RBM45: variants seen among roughly 807,000 people sequenced by gnomAD.
The protein encoded by RBM45 is RNA-binding protein 45.
A neutral mutation model predicts 58.5 loss-of-function variants in RBM45; 39 were observed. The observed-to-expected ratio is 0.67, with a 90% CI of 0.52 to 0.87. RBM45 has a LOEUF of 0.87. RBM45 is among the 40% of genes least tolerant of loss of function. RBM45 has a pLI of 0.00. For missense variants in RBM45, 481 were observed against 581.6 expected (o/e 0.83, Z 1.78); for synonymous variants, 193 against 203.0 (o/e 0.95, Z 0.42).
At position 178,123,818 on chromosome 2, in the gene RBM45, T is replaced by C. The variant is rs1559080877; in HGVS notation, c.984-10T>C. ...TTAGTTTTCTGTAAATTATCAGTTA[T>C]TTTTTCCAGTCTCCTTAGAAAAATG... On this transcript the variant is annotated splice_polypyrimidine_tract_variant and intron_variant, in intron 6 of 9. Transcript: ENST00000286070. 1 of 1,612,692 alleles carries C rather than the reference T, an allele frequency of 6.2e-7. No homozygotes were observed. The highest frequency in any genetic ancestry group is 8.5e-7 in the Non-Finnish European group (1 of 1,179,314).
intron 4 of RBM45, chr2:178,120,857 T>C (rs1206648636): frequency 4.9e-6 from 1 of 205,526 alleles, no homozygotes; most frequent in Non-Finnish European, 9.6e-6. Context: ...AAATGGGTAA[T>C]GAAAGTAAGG....
chr2:178,112,865 G>C lies in RBM45; in HGVS notation c.300+19G>C. ...CATCAAGGTGCGGGTGCCCGGGTCGGGGTGCCCTCGGGGGAAGGAGTGGGC... is the reference window on the plus strand; with the variant it reads ...CATCAAGGTGCGGGTGCCCGGGTCGCGGTGCCCTCGGGGGAAGGAGTGGGC... On this transcript the variant is annotated intron_variant, in intron 1 of 9. Transcript: ENST00000286070. 2 of 1,596,400 alleles carry C rather than the reference G, an allele frequency of 1.3e-6. No homozygotes were observed. The highest frequency in any genetic ancestry group is 1.7e-6 in the Non-Finnish European group (2 of 1,166,802).
At chr2:178,138,089 T>G (rs2088059543) in exon 4 of RBM45, 1 of 152,178 alleles carries the variant, frequency 6.6e-6, no homozygotes, top group Non-Finnish European at 1.5e-5. Context: ...TAAAGAAAAT[T>G]GAATCCATGA....
At position 178,112,630 on chromosome 2, in the gene RBM45, C is replaced by G; in HGVS notation, c.84C>G (p.Ile28Met). 6.2e-7 allele frequency: 1 copy of G among 1,614,236 alleles called. No homozygotes were observed. ...TGGACGAACCGCCCAACAGCCGCAT[C>G]TTCCTTGTGATCAGCAAGTACACAC... is the stretch of plus-strand genomic sequence containing the variant. ...DSLDEPPNSR[I>M]FLVISKYTPE... The change falls in exon 1 of 10, where the codon ATC becomes ATG. Residue 28 changes from isoleucine to methionine, a missense_variant. Ile to Met is a conservative substitution (Grantham distance 10). Coordinates refer to ENST00000286070, the MANE Select transcript of RBM45 (RefSeq NM_152945.4).
At chr2:178,114,694 C>G (rs2087749580) in intron 1 of RBM45, among the ~76,000 whole-genome samples, 1 of 152,224 alleles carries the variant, frequency 6.6e-6, no homozygotes, top group East Asian at 1.9e-4. Context: ...CAGACTCAAG[C>G]AATCCTCTTG....
chr2:178,126,002 C>G lies in RBM45; in HGVS notation c.1251C>G (p.Ile417Met). 1 of 1,612,874 alleles carries G rather than the reference C, an allele frequency of 6.2e-7. No homozygotes were observed. The highest frequency in any genetic ancestry group is 8.5e-7 in the Non-Finnish European group (1 of 1,179,468). Residue 417 changes from isoleucine (I) to methionine (M), a missense_variant, in exon 9 of 10, where the codon ATC becomes ATG. By Grantham distance (10) the Ile-to-Met change is conservative. Coordinates refer to ENST00000286070, the MANE Select transcript of RBM45 (RefSeq NM_152945.4). ...GTTTCAGTCGTTTTGGTAACCTGAT[C>G]GAAGTTTACCTTGTGTCAGGAAAAA... ...EDIFCRFGNL[I>M]EVYLVSGKNV...
downstream of RBM45, among the ~76,000 whole-genome samples, chr2:178,131,471 T>A (rs940462025): frequency 1.3e-5 from 2 of 152,216 alleles, no homozygotes; most frequent in African/African-American, 2.4e-5. Context: ...AGAGCTTGAA[T>A]CTGTCACATG....
chr2:178,134,319 A>G (rs2088028135), downstream of RBM45, among the ~76,000 whole-genome samples: 1 of 152,228 alleles, frequency 6.6e-6, no homozygotes, highest in African/African-American at 2.4e-5. Flanking sequence ...GGCAAGTACC[A>G]GTACTGTTTT....
intron 1 of RBM45, among the ~76,000 whole-genome samples, chr2:178,115,996 T>TA (rs2087769148): frequency 6.6e-6 from 1 of 151,862 alleles, no homozygotes; most frequent in South Asian, 2.1e-4. Flanking sequence ...CTACAAATAT[T>TA]AAAAAATTAG....
chr2:178,126,391 A>G (rs2087929672), intron 9 of RBM45, among the ~76,000 whole-genome samples: 1 of 152,240 alleles, frequency 6.6e-6, no homozygotes, highest in South Asian at 2.1e-4. Flanking sequence ...TTCAATTTAG[A>G]AAGATAAATA....
chr2:178,128,104 C>A (rs2087958052), intron 9 of RBM45, among the ~76,000 whole-genome samples: 1 of 148,288 alleles, frequency 6.7e-6, no homozygotes, highest in South Asian at 2.2e-4. Context: ...CTCCTGGGCT[C>A]AAGCAGTCCT....
rs1459777877 is a variant in RBM45 at position 178,125,985 on chromosome 2, C to T, written c.1234C>T (p.Arg412Cys). The change falls in exon 9 of 10, where the codon CGT (arginine) becomes TGT (cysteine). Residue 412 changes from arginine (R) to cysteine (C), a missense_variant and splice_region_variant. Arg to Cys is a radical substitution (Grantham distance 180, BLOSUM62 -3). Transcript: ENST00000286070. ...PLDVLEDIFC[R>C]FGNLIEVYLV... ...ATTATTTTTTTCACTTTGTTTCAGT[C>T]GTTTTGGTAACCTGATCGAAGTTTA... is the stretch of plus-strand genomic sequence containing the variant. 1.9e-6 allele frequency: 3 copies of T among 1,609,998 alleles called. No individual in the cohort carries two copies. The highest frequency in any genetic ancestry group is 2.2e-5 in the East Asian group (1 of 44,816).
intron 4 of RBM45, 85 bp downstream of exon 4, chr2:178,120,494 A>G: frequency 8.1e-7 from 1 of 1,235,056 alleles, no homozygotes; most frequent in Non-Finnish European, 1.1e-6. Flanking sequence ...GTTATTGGGC[A>G]TCTATAAATT....
chr2:178,118,562 T>C (rs569836842), intron 3 of RBM45, among the ~76,000 whole-genome samples: 1 of 152,270 alleles, frequency 6.6e-6, no homozygotes, highest in South Asian at 2.1e-4. Flanking sequence ...CCAAAGACTA[T>C]AAAGTATAAC....
At chr2:178,136,193 C>G (rs1432421037) in intron 3 of RBM45, among the ~76,000 whole-genome samples, 1 of 152,080 alleles carries the variant, frequency 6.6e-6, no homozygotes, top group East Asian at 1.9e-4. Flanking sequence ...GCCTGTAGTC[C>G]CAGCTACTTG....
chr2:178,131,616 A>G (rs2088006517), downstream of RBM45, among the ~76,000 whole-genome samples: 1 of 152,220 alleles, frequency 6.6e-6, no homozygotes, highest in South Asian at 2.1e-4. Context: ...ATCTAGATGT[A>G]TTTCTTTGAA....
At chr2:178,124,975 T>C (rs1195870140) in intron 8 of RBM45, among the ~76,000 whole-genome samples, 1 of 152,172 alleles carries the variant, frequency 6.6e-6, no homozygotes, top group African/African-American at 2.4e-5. Flanking sequence ...TATTTTTGTG[T>C]TTTTAACATA....
rs1323026974 is a variant in RBM45 at position 178,124,141 on chromosome 2, C to A, written c.1083C>A (p.Ser361Arg). 1 of 1,589,584 alleles carries A rather than the reference C, an allele frequency of 6.3e-7. No homozygotes were observed. Among genetic ancestry groups the A allele is most frequent in the Admixed American group, 1.9e-5 (1 of 52,616 alleles). ...SQQQFMQFGGSSGSQLPQIQT... is the reference protein window; with the variant it reads ...SQQQFMQFGGRSGSQLPQIQT... ...CCTGTTAACAGCAATTTGGAGGAAG[C>A]TCTGGATCACAGTTGCCTCAAATCC... The change falls in exon 8 of 10, where the codon AGC becomes AGA. Residue 361 changes from serine to arginine, a missense_variant. Ser to Arg is a moderately radical substitution (Grantham distance 110, BLOSUM62 -1). Transcript: ENST00000286070.
At chr2:178,135,199 C>G (rs16866116) in intron 3 of RBM45, among the ~76,000 whole-genome samples, 38,018 of 152,148 alleles carry the variant, frequency 0.25, 6,007 homozygotes, top group East Asian at 0.57. Flanking sequence ...AGATTTTAAT[C>G]TGTTACTTAA....
Sources: gnomAD v4.1 joint callset for allele counts (sites outside exome capture counted in the v4.1 genomes callset) on GRCh38, gnomAD v4.1.1 for gene constraint, MANE v1.5 for transcripts, NCBI Gene and HGNC (gene_info 2026-07-23, HGNC 2026-07-21) for gene names.